ITGBL1: variants seen among roughly 807,000 people sequenced by gnomAD.
ITGBL1 encodes integrin beta-like protein 1.
In ITGBL1, 51 loss-of-function variants were observed where a neutral mutation model predicts 68.5. The observed-to-expected ratio is 0.74, with a 90% CI of 0.59 to 0.94. The LOEUF (loss-of-function observed/expected upper bound fraction) is 0.94. ITGBL1 is among the 40% of genes least tolerant of loss of function. The probability of loss-of-function intolerance (pLI) is 0.00; values close to 1 mark genes in which losing one functional copy is unlikely to be tolerated. For missense variants in ITGBL1, 649 were observed against 647.4 expected (o/e 1.00, Z -0.03); for synonymous variants, 209 against 227.3 (o/e 0.92, Z 0.72).
chr13:101,544,467 G>A (rs909013731), intron 2 of ITGBL1, among the ~76,000 whole-genome samples: 3 of 152,178 alleles, frequency 2.0e-5, no homozygotes, highest in African/African-American at 4.8e-5. Context: ...GCCCCTACTA[G>A]GGGGGTGCCT....
In ITGBL1 at chr13:101,709,371, C is replaced by CAACAAA. The variant is rs770658418; in HGVS notation, c.1279+2471_1279+2472insCAAAAA. 2.1e-4 allele frequency among the ~76,000 whole-genome samples: 13 copies of CAACAAA among 61,196 alleles called. 1 individual carries two copies. Among genetic ancestry groups the CAACAAA allele is most frequent in the African/African-American group, 1.1e-3 (11 of 10,210 alleles). The allele number at this position is 61,196 out of a possible 152,430, so 40.1% of individuals were successfully genotyped here. The stretch of plus-strand genomic sequence containing the variant: ...TGGGTGACAGAGCGAGACTCCGTCT[C>CAACAAA]AAAAAAAAAAAAAAAAAAAAAAAAA... On this transcript the variant is annotated intron_variant, in intron 9 of 10. Transcript: ENST00000376180.
intron 2 of ITGBL1, among the ~76,000 whole-genome samples, chr13:101,465,087 T>C (rs1380206517): frequency 1.3e-5 from 2 of 152,256 alleles, no homozygotes; most frequent in South Asian, 2.1e-4. Context: ...TAAATGCTTT[T>C]AGGCTATTCA....
intron 7 of ITGBL1, among the ~76,000 whole-genome samples, chr13:101,660,314 A>T (rs570064569): frequency 1.2e-4 from 19 of 152,102 alleles, no homozygotes; most frequent in African/African-American, 3.9e-4. Context: ...AGATGAAATC[A>T]TAGGGAGTTG....
intron 7 of ITGBL1, among the ~76,000 whole-genome samples, chr13:101,640,154 T>C (rs2032314435): frequency 6.6e-6 from 1 of 152,198 alleles, no homozygotes; most frequent in Admixed American, 6.6e-5. Context: ...AAAATCAGTG[T>C]ACACTATTGC....
chr13:101,584,768 G>C (rs1437953467), intron 6 of ITGBL1, among the ~76,000 whole-genome samples: 2 of 152,014 alleles, frequency 1.3e-5, no homozygotes, highest in Non-Finnish European at 2.9e-5. Flanking sequence ...CTCATGACTA[G>C]TGAGTGGCTT....
intron 2 of ITGBL1, among the ~76,000 whole-genome samples, chr13:101,510,458 C>T (rs938971961): frequency 1.3e-5 from 2 of 152,006 alleles, no homozygotes; most frequent in East Asian, 3.9e-4. Flanking sequence ...GTGAATAGAA[C>T]AGCAGTGAAC....
chr13:101,657,919 A>G (rs1256628463), intron 7 of ITGBL1, among the ~76,000 whole-genome samples: 2 of 152,224 alleles, frequency 1.3e-5, no homozygotes, highest in Non-Finnish European at 2.9e-5. Context: ...GTAGCACACA[A>G]GAGAAAGAAG....
Position 101,453,944 on chromosome 13 carries a change from C to T in ITGBL1, c.160C>T (p.Pro54Ser). 1 of 1,460,364 alleles carries T rather than the reference C, an allele frequency of 6.8e-7. No homozygotes were observed. The highest frequency in any genetic ancestry group is 2.3e-5 in the Admixed American group (1 of 42,942). The allele number at this position is 1,460,364 out of a possible 1,614,324, so 90.5% of individuals were successfully genotyped here. ...CGAGTCGGAGCGACGCTGCCGCGCA[C>T]CTGGGCAGCCCCCGGGGGCCGCGCT... ...RAESERRCRA[P>S]GQPPGAALCH... Residue 54 changes from proline to serine, a missense_variant, in exon 2 of 11, where the codon CCT (proline) becomes TCT (serine). Physicochemically the swap from Pro to Ser is moderately conservative, Grantham distance 74. Transcript: ENST00000376180.
intron 9 of ITGBL1, chr13:101,712,058 G>T (rs557332342): frequency 2.6e-5 from 4 of 152,310 alleles, no homozygotes; most frequent in Non-Finnish European, 5.9e-5. Flanking sequence ...TTTGACCCAT[G>T]TTATGGAAGA....
intron 3 of ITGBL1, among the ~76,000 whole-genome samples, chr13:101,570,637 A>C (rs1203806021): frequency 1.3e-5 from 2 of 152,160 alleles, no homozygotes; most frequent in Non-Finnish European, 2.9e-5. Context: ...TGCTTCATTG[A>C]GGGAATGCAA....
chr13:101,515,952 G>C (rs542825187), intron 2 of ITGBL1, among the ~76,000 whole-genome samples: 142 of 152,210 alleles, frequency 9.3e-4, no homozygotes, highest in Non-Finnish European at 1.6e-3. Flanking sequence ...AACATGGAAG[G>C]CCTGATTAAC....
At chr13:101,635,362 G>A (rs138371845) in intron 7 of ITGBL1, among the ~76,000 whole-genome samples, 158 of 152,076 alleles carry the variant, frequency 1.0e-3, no homozygotes, top group Non-Finnish European at 1.9e-3. Context: ...TAAAAGAACC[G>A]AAAATAACAT....
chr13:101,455,414 C>T (rs1412910809), intron 2 of ITGBL1, among the ~76,000 whole-genome samples: 2 of 152,178 alleles, frequency 1.3e-5, no homozygotes, highest in African/African-American at 4.8e-5. Flanking sequence ...CACCTGTAAT[C>T]CCAGCACTTT....
chr13:101,588,158 T>C (rs4619256), intron 6 of ITGBL1, among the ~76,000 whole-genome samples: 2,496 of 152,304 alleles, frequency 0.016, 71 homozygotes, highest in African/African-American at 0.056. Flanking sequence ...ACCTTAATAA[T>C]TCCTGCCTTC....
chr13:101,647,685 G>C (rs1490306826), intron 7 of ITGBL1, among the ~76,000 whole-genome samples: 1 of 152,196 alleles, frequency 6.6e-6, no homozygotes, highest in Non-Finnish European at 1.5e-5. Flanking sequence ...GAAGATGTCA[G>C]AACTTTCTGG....
At chr13:101,562,123 T>G (rs2050110101) in intron 2 of ITGBL1, among the ~76,000 whole-genome samples, 1 of 152,090 alleles carries the variant, frequency 6.6e-6, no homozygotes. Flanking sequence ...ACATATAAAG[T>G]GGTACAATAT....
intron 7 of ITGBL1, among the ~76,000 whole-genome samples, chr13:101,650,728 C>T (rs1008435406): frequency 2.0e-5 from 3 of 151,920 alleles, no homozygotes; most frequent in East Asian, 1.9e-4. Flanking sequence ...TACAGATCCG[C>T]CCATCACCTA....
At chr13:101,539,822 ATG>A (rs1407448764) in intron 2 of ITGBL1, among the ~76,000 whole-genome samples, 1 of 151,662 alleles carries the variant, frequency 6.6e-6, no homozygotes, top group East Asian at 1.9e-4. Flanking sequence ...GCATTTTTTC[ATG>A]TGTCTTTTGG....
intron 2 of ITGBL1, among the ~76,000 whole-genome samples, chr13:101,484,498 T>C (rs1158971457): frequency 3.5e-4 from 54 of 152,280 alleles, no homozygotes; most frequent in Admixed American, 3.5e-3. Context: ...AAAAATACTA[T>C]ATGGGATTAA....
Sources: gnomAD v4.1 joint callset for allele counts (sites outside exome capture counted in the v4.1 genomes callset) on GRCh38, gnomAD v4.1.1 for gene constraint, MANE v1.5 for transcripts, NCBI Gene and HGNC (gene_info 2026-07-23, HGNC 2026-07-21) for gene names.